MLLT3: variants seen among roughly 807,000 people sequenced by gnomAD.
MLLT3 encodes the protein protein AF-9.
In MLLT3, 4 loss-of-function variants were observed where a neutral mutation model predicts 53.2. That is an observed-to-expected ratio of 0.08 (90% CI 0.04 to 0.17). The LOEUF is 0.17. MLLT3 is among the 10% of genes least tolerant of loss of function. The probability of loss-of-function intolerance (pLI) is 1.00; values close to 1 mark genes in which losing one functional copy is unlikely to be tolerated. For synonymous variants in MLLT3, 283 were observed against 230.6 expected, an observed-to-expected ratio of 1.23 and a Z score of -2.06; for missense variants, 569 against 684.0, an observed-to-expected ratio of 0.83 and a Z score of 1.87.
intron 2 of MLLT3, among the ~76,000 whole-genome samples, chr9:20,525,495 A>G (rs944649123): frequency 3.9e-5 from 6 of 151,998 alleles, no homozygotes; most frequent in Admixed American, 3.3e-4. Context: ...CTCTGACTTA[A>G]ATAAAAAATA....
chr9:20,610,207 T>C (rs1242140458), intron 2 of MLLT3, among the ~76,000 whole-genome samples: 1 of 152,118 alleles, frequency 6.6e-6, no homozygotes, highest in African/African-American at 2.4e-5. Context: ...CTCTTATTTT[T>C]AAAGCTAAAA....
At chr9:20,500,409 T>A (rs1282454720) in intron 2 of MLLT3, among the ~76,000 whole-genome samples, 1 of 152,224 alleles carries the variant, frequency 6.6e-6, no homozygotes, top group Non-Finnish European at 1.5e-5. Context: ...TAGCATCATT[T>A]CTGCACTACT....
intron 5 of MLLT3, among the ~76,000 whole-genome samples, chr9:20,409,898 T>C (rs1822679516): frequency 6.6e-6 from 1 of 152,216 alleles, no homozygotes; most frequent in Non-Finnish European, 1.5e-5. Flanking sequence ...TAGGATATTT[T>C]AACAGCAACA....
At chr9:20,580,505 T>G (rs1383448999) in intron 2 of MLLT3, among the ~76,000 whole-genome samples, 1 of 152,194 alleles carries the variant, frequency 6.6e-6, no homozygotes, top group Non-Finnish European at 1.5e-5. Flanking sequence ...AAACAAGTTC[T>G]TAGACTCTCT....
At chr9:20,498,140 T>C (rs1487571013) in intron 2 of MLLT3, among the ~76,000 whole-genome samples, 1 of 143,752 alleles carries the variant, frequency 7.0e-6, no homozygotes, top group East Asian at 2.1e-4. Context: ...GAGAATCACT[T>C]GAACCTGGGA....
At chr9:20,483,828 C>T (rs1417770013) in intron 2 of MLLT3, among the ~76,000 whole-genome samples, 1 of 151,356 alleles carries the variant, frequency 6.6e-6, no homozygotes, top group Non-Finnish European at 1.5e-5. Context: ...CTGACTCAGC[C>T]TCCCGAGTAG....
chr9:20,589,633 G>T (rs1163591512), intron 2 of MLLT3, among the ~76,000 whole-genome samples: 1 of 150,828 alleles, frequency 6.6e-6, no homozygotes, highest in Non-Finnish European at 1.5e-5. Flanking sequence ...TTTGAGAATT[G>T]AGGTATTCAA....
chr9:20,607,225 A>G (rs1820593700), intron 2 of MLLT3, among the ~76,000 whole-genome samples: 1 of 152,148 alleles, frequency 6.6e-6, no homozygotes. Context: ...ATTTGGTTAT[A>G]ACAAGTTTTA....
chr9:20,375,545 A>C (rs2118681015), intron 5 of MLLT3, among the ~76,000 whole-genome samples: 1 of 152,026 alleles, frequency 6.6e-6, no homozygotes, highest in Middle Eastern at 3.4e-3. Context: ...CATTTGTCCA[A>C]TCAATATTAC....
intron 2 of MLLT3, among the ~76,000 whole-genome samples, chr9:20,572,318 T>A (rs1402805593): frequency 6.6e-6 from 1 of 152,152 alleles, no homozygotes; most frequent in East Asian, 1.9e-4. Flanking sequence ...TTAATAATAA[T>A]ATACGGTATA....
intron 5 of MLLT3, among the ~76,000 whole-genome samples, chr9:20,400,906 T>G (rs928540598): frequency 3.7e-4 from 57 of 152,172 alleles, no homozygotes; most frequent in African/African-American, 1.3e-3. Flanking sequence ...CATATTTTCT[T>G]CTAGAATTTG....
At chr9:20,433,120 C>T (rs80118985) in intron 4 of MLLT3, among the ~76,000 whole-genome samples, 11,058 of 151,926 alleles carry the variant, frequency 0.073, 966 homozygotes, top group East Asian at 0.25. Flanking sequence ...TGAGGAGGAA[C>T]GGCTACAGGT....
chr9:20,367,382 T>G (rs1249396922), intron 5 of MLLT3, among the ~76,000 whole-genome samples: 3 of 152,156 alleles, frequency 2.0e-5, no homozygotes, highest in African/African-American at 7.2e-5. Context: ...ACTTGAAAAA[T>G]TAGGGGTCTG....
At chr9:20,551,909 A>G (rs1423918344) in intron 2 of MLLT3, among the ~76,000 whole-genome samples, 1 of 152,202 alleles carries the variant, frequency 6.6e-6, no homozygotes, top group Non-Finnish European at 1.5e-5. Flanking sequence ...TTAAGTCTTC[A>G]TTCAACCCCC....
rs1489771021 is a variant in MLLT3 at position 20,448,553 on chromosome 9, C to T, written c.277-287G>A. Reference sequence around the variant, plus strand: ...GGATACCAGCAACATAGCCACCCAACTAGAAACCAAGCACATTCCTTCCTC... The same window carrying T: ...GGATACCAGCAACATAGCCACCCAATTAGAAACCAAGCACATTCCTTCCTC... On this transcript the variant is annotated intron_variant, in intron 3 of 10. Coordinates refer to ENST00000380338, the MANE Select transcript of MLLT3 (RefSeq NM_004529.4). This position sits in a 1 kb window ranked among gnomAD's most constrained non-coding sequence, Gnocchi z 4.0. 6.6e-6 allele frequency among the ~76,000 whole-genome samples: 1 copy of T among 152,072 alleles called. No homozygotes were observed. The highest frequency in any genetic ancestry group is 2.4e-5 in the African/African-American group (1 of 41,406).
intron 2 of MLLT3, among the ~76,000 whole-genome samples, chr9:20,475,691 A>G (rs1824502693): frequency 6.6e-6 from 1 of 152,100 alleles, no homozygotes; most frequent in South Asian, 2.1e-4. Context: ...CCTCATTCTC[A>G]CATTGGTTTT....
intron 5 of MLLT3, among the ~76,000 whole-genome samples, chr9:20,384,010 T>C (rs1254633297): frequency 6.6e-6 from 1 of 152,022 alleles, no homozygotes; most frequent in African/African-American, 2.4e-5. Context: ...ATTTAGGGCA[T>C]CACATTGTTT....
intron 6 of MLLT3, 132 bp downstream of exon 6, chr9:20,365,537 A>C: frequency 9.5e-7 from 1 of 1,047,606 alleles, no homozygotes; most frequent in Non-Finnish European, 1.4e-6. Context: ...CGTTTACTAA[A>C]CACGGTTTCA....
At chr9:20,538,647 T>C (rs1563807542) in intron 2 of MLLT3, among the ~76,000 whole-genome samples, 1 of 152,118 alleles carries the variant, frequency 6.6e-6, no homozygotes. Context: ...AGAAAATGAA[T>C]ACAAAATGCA....
Sources: allele counts gnomAD v4.1 joint callset (sites outside exome capture counted in the v4.1 genomes callset), GRCh38; gene constraint gnomAD v4.1.1; non-coding constraint Gnocchi (gnomAD v3.1); transcripts MANE v1.5; gene names NCBI Gene and HGNC (gene_info 2026-07-23, HGNC 2026-07-21).